Variants in RALGPS1 observed in about 807,000 individuals in gnomAD.
RALGPS1 encodes the protein ras-specific guanine nucleotide-releasing factor RalGPS1.
Under a neutral mutation model 78.8 loss-of-function variants are expected in RALGPS1, and 19 were observed. That is an observed-to-expected ratio of 0.24 (90% CI 0.17 to 0.35). RALGPS1 has a LOEUF of 0.35. Ranked by LOEUF, RALGPS1 falls within the 10% of genes least tolerant of loss-of-function variation. The probability of loss-of-function intolerance (pLI) is 1.00; values close to 1 mark genes in which losing one functional copy is unlikely to be tolerated. For synonymous variants in RALGPS1, 228 were observed against 256.3 expected (o/e 0.89, Z 1.06); for missense variants, 454 against 688.3 (o/e 0.66, Z 3.81).
chr9:127,089,012 T>C (rs202071424), intron 8 of RALGPS1: 1 of 1,614,214 alleles, frequency 6.2e-7, no homozygotes, highest in East Asian at 2.2e-5. Context: ...TCCTCGGAAC[T>C]CAGCCCAGTA....
At chr9:127,191,173 T>C (rs945039581) in intron 11 of RALGPS1, among the ~76,000 whole-genome samples, 2 of 152,240 alleles carry the variant, frequency 1.3e-5, no homozygotes, top group African/African-American at 4.8e-5. Flanking sequence ...TCTCCCAGAC[T>C]GTGATTCGCC....
At chr9:127,004,244 C>G (rs2043619941) in intron 4 of RALGPS1, among the ~76,000 whole-genome samples, 1 of 152,152 alleles carries the variant, frequency 6.6e-6, no homozygotes, top group Non-Finnish European at 1.5e-5. Context: ...CTCTCAGATT[C>G]AAGTGATTCT....
intron 1 of RALGPS1, among the ~76,000 whole-genome samples, chr9:126,917,150 T>C (rs1288858817): frequency 6.6e-6 from 1 of 152,026 alleles, no homozygotes; most frequent in East Asian, 1.9e-4. Flanking sequence ...CCCAGTAGCA[T>C]TGAGGGGATT....
At chr9:127,042,687 TAAATA>T (rs2047421881) in intron 5 of RALGPS1, among the ~76,000 whole-genome samples, 1 of 151,762 alleles carries the variant, frequency 6.6e-6, no homozygotes, top group Admixed American at 6.6e-5. Context: ...GACAAGAAAA[TAAATA>T]AATAAAATGT....
chr9:127,047,823 ATC>A (rs1319655619), intron 5 of RALGPS1, among the ~76,000 whole-genome samples: 2 of 151,950 alleles, frequency 1.3e-5, no homozygotes, highest in Non-Finnish European at 2.9e-5. Flanking sequence ...TTTTGTACTT[ATC>A]TCTTATTCCT....
chr9:126,933,781 C>T (rs912385555), intron 1 of RALGPS1, among the ~76,000 whole-genome samples: 1 of 152,050 alleles, frequency 6.6e-6, no homozygotes. Flanking sequence ...CCACGGAGCT[C>T]ATAGCACCTT....
intron 4 of RALGPS1, among the ~76,000 whole-genome samples, chr9:127,024,087 T>C (rs1031827020): frequency 9.4e-5 from 14 of 149,340 alleles, no homozygotes; most frequent in Non-Finnish European, 1.9e-4. Context: ...ATGTGAAAAC[T>C]GTGTGTTATT....
At chr9:127,054,454 A>C (rs1316327967) in intron 7 of RALGPS1, among the ~76,000 whole-genome samples, 1 of 152,168 alleles carries the variant, frequency 6.6e-6, no homozygotes. Context: ...AGAGATAGTT[A>C]ATACAGAGGG....
rs1158651400 is a variant in RALGPS1 at position 127,052,870 on chromosome 9, T to C, written c.414T>C (p.Leu138=). 6.2e-7 allele frequency: 1 copy of C among 1,609,570 alleles called. No homozygotes were observed. Among genetic ancestry groups the C allele is most frequent in the Non-Finnish European group, 8.5e-7 (1 of 1,176,020 alleles). Residue 138 remains leucine (L), a synonymous_variant, in exon 7 of 19, where the codon CTT becomes CTC. Coordinates refer to ENST00000259351, the MANE Select transcript of RALGPS1 (RefSeq NM_014636.3). Reference sequence around the variant, plus strand: ...AGAAACTTCTAGAACTCAACAACCTTCATTCTCTCATGTCTGTGGTATCAG... The same window carrying C: ...AGAAACTTCTAGAACTCAACAACCTCCATTCTCTCATGTCTGTGGTATCAG... ...IAKKLLELNN[L]HSLMSVVSAL... is the part of the protein sequence containing the mutation.
intron 8 of RALGPS1, among the ~76,000 whole-genome samples, chr9:127,154,095 C>T (rs1384427219): frequency 6.6e-6 from 1 of 152,240 alleles, no homozygotes; most frequent in Admixed American, 6.5e-5. Flanking sequence ...ACCAGACTAA[C>T]AAGAGCACTG....
Position 127,166,059 on chromosome 9 carries a change from T to G in RALGPS1, c.611-10T>G. 1 of 1,598,406 alleles carries G rather than the reference T, an allele frequency of 6.3e-7. No individual in the cohort carries two copies. The highest frequency in any genetic ancestry group is 8.5e-7 in the Non-Finnish European group (1 of 1,173,640). ...CTCCTTCCATCATGAAATATCTTCTTTAATTTTAGGAATCTATCTTCTGGA... is the reference window on the plus strand; with the variant it reads ...CTCCTTCCATCATGAAATATCTTCTGTAATTTTAGGAATCTATCTTCTGGA... On this transcript the variant is annotated splice_polypyrimidine_tract_variant and intron_variant, in intron 8 of 18. Transcript: ENST00000259351.
At chr9:127,054,003 G>C (rs1262689626) in intron 7 of RALGPS1, among the ~76,000 whole-genome samples, 1 of 152,200 alleles carries the variant, frequency 6.6e-6, no homozygotes, top group Non-Finnish European at 1.5e-5. Context: ...TGGAGTCCCA[G>C]GGGTTCCTTA....
intron 4 of RALGPS1, among the ~76,000 whole-genome samples, chr9:127,029,819 G>C (rs759346157): frequency 6.6e-6 from 1 of 152,274 alleles, no homozygotes; most frequent in East Asian, 1.9e-4. Context: ...GCCTGTCTCA[G>C]CTCACCTCAA....
At chr9:127,076,052 A>G (rs1348080889) in intron 8 of RALGPS1, among the ~76,000 whole-genome samples, 1 of 152,156 alleles carries the variant, frequency 6.6e-6, no homozygotes, top group Non-Finnish European at 1.5e-5. Flanking sequence ...ATAAAATAAG[A>G]CTCTTTGAAT....
chr9:127,116,089 A>G (rs1340480723), intron 8 of RALGPS1, among the ~76,000 whole-genome samples: 1 of 152,100 alleles, frequency 6.6e-6, no homozygotes, highest in African/African-American at 2.4e-5. Context: ...TCACCCACCC[A>G]TTTAGCCTTC....
intron 6 of RALGPS1, among the ~76,000 whole-genome samples, 173 bp downstream of exon 6, chr9:127,050,305 C>T (rs961008838): frequency 6.6e-6 from 1 of 152,168 alleles, no homozygotes; most frequent in Non-Finnish European, 1.5e-5. Context: ...GTTAGACCTG[C>T]CTGGGTGCTC....
chr9:127,095,384 C>G (rs891368709), intron 8 of RALGPS1, among the ~76,000 whole-genome samples: 2 of 152,154 alleles, frequency 1.3e-5, no homozygotes, highest in African/African-American at 4.8e-5. Flanking sequence ...AGTGGCAGAG[C>G]AAGACAAGAC....
chr9:126,941,786 T>G (rs958346581), intron 1 of RALGPS1, among the ~76,000 whole-genome samples: 1 of 152,238 alleles, frequency 6.6e-6, no homozygotes, highest in African/African-American at 2.4e-5. Context: ...CCTCACCTTT[T>G]TATCTACCAC....
chr9:127,030,788 G>A (rs927675672), intron 4 of RALGPS1, among the ~76,000 whole-genome samples: 2 of 152,100 alleles, frequency 1.3e-5, no homozygotes, highest in Admixed American at 6.5e-5. Flanking sequence ...TGGGATGGGG[G>A]CAGGAAGAGA....
Sources: allele counts gnomAD v4.1 joint callset (sites outside exome capture counted in the v4.1 genomes callset), GRCh38; gene constraint gnomAD v4.1.1; transcripts MANE v1.5; gene names NCBI Gene and HGNC (gene_info 2026-07-23, HGNC 2026-07-21).